SGCD: variants seen among roughly 807,000 people sequenced by gnomAD.
SGCD encodes delta-sarcoglycan.
In SGCD, 18 loss-of-function variants were observed where a neutral mutation model predicts 36.6. That is an observed-to-expected ratio of 0.49 (90% confidence interval 0.34 to 0.73). The LOEUF (loss-of-function observed/expected upper bound fraction) is 0.73, where lower values mean the gene tolerates loss of function less well. Ranked by LOEUF, SGCD falls within the 30% of genes least tolerant of loss-of-function variation. The probability of loss-of-function intolerance (pLI) is 0.01; values close to 1 mark genes in which losing one functional copy is unlikely to be tolerated. For missense variants in SGCD, 387 were observed against 346.7 expected, an observed-to-expected ratio of 1.12 and a Z score of -0.92; for synonymous variants, 133 against 130.6, an observed-to-expected ratio of 1.02 and a Z score of -0.12.
intron 7 of SGCD, among the ~76,000 whole-genome samples, chr5:156,677,339 G>C (rs1340434411): frequency 6.6e-6 from 1 of 152,182 alleles, no homozygotes; most frequent in Non-Finnish European, 1.5e-5. Flanking sequence ...GCAGCCATAA[G>C]AAAGAATGGG....
At chr5:156,144,498 G>A (rs1581127314) in intron 3 of SGCD, among the ~76,000 whole-genome samples, 1 of 152,300 alleles carries the variant, frequency 6.6e-6, no homozygotes, top group East Asian at 1.9e-4. Context: ...GTGATGGTGA[G>A]CATTTTTTCA....
chr5:156,308,351 T>G (rs1767291588), intron 3 of SGCD, among the ~76,000 whole-genome samples: 1 of 151,486 alleles, frequency 6.6e-6, no homozygotes, highest in Non-Finnish European at 1.5e-5. Context: ...CAGGCTGGAT[T>G]GCAGTGGCGC....
At chr5:156,587,813 A>C (rs991346381) in intron 4 of SGCD, among the ~76,000 whole-genome samples, 2 of 151,748 alleles carry the variant, frequency 1.3e-5, no homozygotes, top group Admixed American at 1.3e-4. Context: ...GAATAATCTC[A>C]CCCTTCAGGG....
rs958905836 is a variant in SGCD at position 156,476,829 on chromosome 5, A to G, written c.193-31772A>G. 2.6e-5 allele frequency among the ~76,000 whole-genome samples: 4 copies of G among 152,176 alleles called. No individual in the cohort carries two copies. The East Asian group carries it at 7.7e-4, about 29-fold the overall frequency. ...TCTGATAGGTAAACTAAATCCTTGCACTTGAAAAATACACCTCCAGTCTGG... is the reference window on the plus strand; with the variant it reads ...TCTGATAGGTAAACTAAATCCTTGCGCTTGAAAAATACACCTCCAGTCTGG... On this transcript the variant is annotated intron_variant, in intron 3 of 8. Coordinates refer to ENST00000337851, the MANE Select transcript of SGCD (RefSeq NM_000337.6).
intron 4 of SGCD, among the ~76,000 whole-genome samples, chr5:156,574,667 C>T (rs902292631): frequency 6.6e-6 from 1 of 152,052 alleles, no homozygotes; most frequent in Non-Finnish European, 1.5e-5. Flanking sequence ...GAGGTCATAC[C>T]TCCTTCAAAT....
At chr5:155,956,436 A>C (rs776108230) in intron 1 of SGCD, among the ~76,000 whole-genome samples, 1 of 152,132 alleles carries the variant, frequency 6.6e-6, no homozygotes, top group Non-Finnish European at 1.5e-5. Flanking sequence ...TCTCTGACGG[A>C]TGATGGCTGC....
At chr5:156,043,196 G>T (rs1442131118) in intron 1 of SGCD, among the ~76,000 whole-genome samples, 1 of 152,144 alleles carries the variant, frequency 6.6e-6, no homozygotes, top group Non-Finnish European at 1.5e-5. Flanking sequence ...GGAAGAACAA[G>T]TATCAATACA....
At chr5:155,821,452 T>C in the SGCD span, among the ~76,000 whole-genome samples, 1 of 152,190 alleles carries the variant, frequency 6.6e-6, no homozygotes, top group Non-Finnish European at 1.5e-5. Context: ...TAGCTGGGAC[T>C]ACAGGTGCCC....
At chr5:156,613,569 G>T (rs543970284) in intron 6 of SGCD, among the ~76,000 whole-genome samples, 1 of 152,278 alleles carries the variant, frequency 6.6e-6, no homozygotes, top group African/African-American at 2.4e-5. Context: ...CTAAGACAGT[G>T]GATCTCAAAA....
At chr5:156,622,209 G>C (rs1762277402) in intron 6 of SGCD, among the ~76,000 whole-genome samples, 1 of 152,024 alleles carries the variant, frequency 6.6e-6, no homozygotes, top group South Asian at 2.1e-4. Context: ...AAGGCAGGTG[G>C]ATTACCTGAG....
chr5:156,345,483 T>C (rs928256147), intron 3 of SGCD, among the ~76,000 whole-genome samples: 2 of 152,180 alleles, frequency 1.3e-5, no homozygotes, highest in African/African-American at 2.4e-5. Flanking sequence ...TTGAGCATAA[T>C]TTCCTTTCTT....
chr5:156,748,501 A>G (rs986271260), intron 7 of SGCD, among the ~76,000 whole-genome samples: 4 of 152,258 alleles, frequency 2.6e-5, no homozygotes, highest in Admixed American at 6.5e-5. Flanking sequence ...GAAAAACTAT[A>G]CTAATAGGAA....
At chr5:156,620,597 G>T (rs1356491997) in intron 6 of SGCD, among the ~76,000 whole-genome samples, 7 of 152,204 alleles carry the variant, frequency 4.6e-5, no homozygotes, top group Non-Finnish European at 8.8e-5. Context: ...ATAGGGGGAA[G>T]TGTAATGGAT....
intron 1 of SGCD, among the ~76,000 whole-genome samples, chr5:155,914,847 C>T (rs1357332287): frequency 1.3e-5 from 2 of 152,150 alleles, no homozygotes; most frequent in Non-Finnish European, 2.9e-5. Flanking sequence ...ATTCACTTGG[C>T]TTACCAGCTT....
At chr5:155,867,888 A>G (rs1257993589), upstream of SGCD, among the ~76,000 whole-genome samples, 1 of 152,176 alleles carries the variant, frequency 6.6e-6, no homozygotes, top group African/African-American at 2.4e-5. Context: ...GTCTAAGGTC[A>G]TACAGTTAGG....
intron 1 of SGCD, among the ~76,000 whole-genome samples, chr5:156,024,284 A>G (rs1759176457): frequency 6.6e-6 from 1 of 151,558 alleles, no homozygotes; most frequent in African/African-American, 2.4e-5. Context: ...AAGAAAATAG[A>G]GTGTAAATTG....
At position 155,984,216 on chromosome 5, in the gene SGCD, A is replaced by G. The variant is rs575292300; in HGVS notation, c.-282+113792A>G. Among the ~76,000 whole-genome samples the G allele has an allele frequency of 3.3e-5, 5 of 152,324 alleles. No individual in the cohort carries two copies. The South Asian group carries it at 1.0e-3, about 32-fold the overall frequency. ...GTATTCACTTATTTACTCAGCAAAT[A>G]TTTATAGCATCTCTTATTTGCATTA... On this transcript the variant is annotated intron_variant, in intron 1 of 9. Coordinates refer to the SGCD transcript ENST00000517913.
intron 1 of SGCD, among the ~76,000 whole-genome samples, chr5:155,929,275 C>T (rs1757053680): frequency 6.6e-6 from 1 of 152,190 alleles, no homozygotes; most frequent in Non-Finnish European, 1.5e-5. Context: ...CAGTACCTAG[C>T]ATTGTACATA....
At chr5:156,594,656 G>C (rs1487944278) in intron 5 of SGCD, among the ~76,000 whole-genome samples, 1 of 152,118 alleles carries the variant, frequency 6.6e-6, no homozygotes, top group Non-Finnish European at 1.5e-5. Flanking sequence ...TCACAGTCAA[G>C]GATTAGTTTG....
Sources: allele counts gnomAD v4.1 joint callset (sites outside exome capture counted in the v4.1 genomes callset), GRCh38; gene constraint gnomAD v4.1.1; transcripts MANE v1.5; gene names NCBI Gene and HGNC (gene_info 2026-07-23, HGNC 2026-07-21).